Variants in TMEM63A observed in about 807,000 individuals in gnomAD.
TMEM63A encodes mechanosensitive cation channel TMEM63A.
A neutral mutation model predicts 100.6 loss-of-function variants in TMEM63A; 76 were observed. The ratio of observed to expected loss-of-function variants is 0.76; its 90% CI spans 0.63 to 0.91. The LOEUF (loss-of-function observed/expected upper bound fraction) is 0.91. Among genes scored for constraint, TMEM63A ranks in the 40% least tolerant of loss-of-function variants. The pLI, the probability that TMEM63A is intolerant of heterozygous loss-of-function variation, is 0.00. For missense variants in TMEM63A, 876 were observed against 1,008.8 expected (o/e 0.87, Z 1.78); for synonymous variants, 401 against 401.1 (o/e 1.00, Z 0.00).
intron 10 of TMEM63A, chr1:225,864,270 T>C (rs887625565): frequency 1.9e-4 from 29 of 152,222 alleles, no homozygotes; most frequent in African/African-American, 6.8e-4. Flanking sequence ...TAGGTGCTGG[T>C]AACAGGGCCT....
chr1:225,867,015 G>T lies in TMEM63A; in HGVS notation c.566+97C>A. The stretch of plus-strand genomic sequence containing the variant: ...GCAAGGGGCCTTCAGATACCAGCCG[G>T]CCCCCTTTGGAGTACCTCTGGCCTG... On this transcript the variant is annotated intron_variant, in intron 8 of 24. Transcript: ENST00000366835. This position sits in a 1 kb window ranked among gnomAD's most constrained non-coding sequence, Gnocchi z 4.6. 2 of 1,285,072 alleles carry T rather than the reference G, an allele frequency of 1.6e-6. No individual in the cohort carries two copies. Among genetic ancestry groups the T allele is most frequent in the Admixed American group, 3.4e-5 (2 of 59,336 alleles). 79.6% of individuals were successfully genotyped at this position (1,285,072 alleles called of 1,614,324 possible).
rs1019965434 is a variant in TMEM63A at position 225,871,121 on chromosome 1, C to T, written c.334-8G>A. On this transcript the variant is annotated splice_region_variant and splice_polypyrimidine_tract_variant and intron_variant, in intron 5 of 24. Transcript: ENST00000366835. The stretch of plus-strand genomic sequence containing the variant: ...CAGCCAGGGACAGCATCCCTGGAAA[C>T]GGAGAGAACAGGGATTAGCTTCCAA... 1.2e-6 allele frequency: 2 copies of T among 1,613,684 alleles called. No homozygotes were observed. Among genetic ancestry groups the T allele is most frequent in the East Asian group, 2.2e-5 (1 of 44,872 alleles).
intron 3 of TMEM63A, among the ~76,000 whole-genome samples, chr1:225,877,165 C>T (rs1670846158): frequency 6.6e-6 from 1 of 152,168 alleles, no homozygotes; most frequent in Non-Finnish European, 1.5e-5. Context: ...CTGGCCTTAT[C>T]CAAATTCCAA....
rs1461208949 is a variant in TMEM63A, at chr1:225,860,936, G to C, written c.1147C>G (p.Pro383Ala). Reference protein sequence around the residue: ...QSLQCKGEPQPSSHSRELYTS... With the variant: ...QSLQCKGEPQASSHSRELYTS... ...TAGAGCTCCCTGCTATGGGAGGACG[G>C]CTGGGGCTCACCTTTGCACTGAAGG... is the stretch of plus-strand genomic sequence containing the variant. Residue 383 changes from proline to alanine, a missense_variant, in exon 14 of 25, where the codon CCG (proline) becomes GCG (alanine). Pro to Ala is a conservative substitution (Grantham distance 27). Transcript: ENST00000366835. 1.2e-6 allele frequency: 2 copies of C among 1,613,004 alleles called. No homozygotes were observed. The highest frequency in any genetic ancestry group is 1.1e-5 in the South Asian group (1 of 90,840).
At position 225,867,868 on chromosome 1, in the gene TMEM63A, A is replaced by C. The variant is rs1197981613; in HGVS notation, c.514+20T>G. 7.4e-6 allele frequency: 12 copies of C among 1,613,890 alleles called. No individual in the cohort carries two copies. In the Admixed American group the frequency reaches 2.0e-4, roughly 27 times the overall value. Reference sequence around the variant, plus strand: ...ACTCTGCCCCATTACAACATAGACAAGGGTGAGGAGGGTCATTACCCAGCA... The same window carrying C: ...ACTCTGCCCCATTACAACATAGACACGGGTGAGGAGGGTCATTACCCAGCA... On this transcript the variant is annotated intron_variant, in intron 7 of 24. Transcript: ENST00000366835. The surrounding 1 kb of genome is among the most constrained non-coding windows in gnomAD (Gnocchi z 4.6).
chr1:225,876,776 T>C (rs1268056554), intron 3 of TMEM63A, among the ~76,000 whole-genome samples: 8 of 151,890 alleles, frequency 5.3e-5, no homozygotes, highest in Non-Finnish European at 8.8e-5. Flanking sequence ...GCCTCCAGAG[T>C]AGCCGGGATT....
chr1:225,876,500 AAC>A (rs1670810533), intron 3 of TMEM63A, among the ~76,000 whole-genome samples: 1 of 152,192 alleles, frequency 6.6e-6, no homozygotes, highest in African/African-American at 2.4e-5. Flanking sequence ...GGGGCACTTT[AAC>A]CCCAATAAAT....
intron 3 of TMEM63A, among the ~76,000 whole-genome samples, chr1:225,875,477 A>G (rs1670735666): frequency 6.6e-6 from 1 of 152,228 alleles, no homozygotes; most frequent in Non-Finnish European, 1.5e-5. Flanking sequence ...GGGGTTTTGA[A>G]GGTAGGCTTT....
At chr1:225,841,020 C>T (rs1299865704), downstream of TMEM63A, 2 of 152,162 alleles carry the variant, frequency 1.3e-5, no homozygotes, top group African/African-American at 4.8e-5. Flanking sequence ...TCCCCACATC[C>T]CCTCTCCTTC....
chr1:225,866,735 G>C, intron 8 of TMEM63A, 53 bp from the exon 9 acceptor site: 1 of 1,562,220 alleles, frequency 6.4e-7, no homozygotes, highest in Non-Finnish European at 8.8e-7. Flanking sequence ...AGGGAGCTGG[G>C]GGTGCAGAGC....
chr1:225,849,020 T>C lies in TMEM63A; in HGVS notation c.2072-8A>G, dbSNP rs1669179919. On this transcript the variant is annotated splice_polypyrimidine_tract_variant and splice_region_variant and intron_variant, in intron 21 of 24. Coordinates refer to ENST00000366835, the MANE Select transcript of TMEM63A (RefSeq NM_014698.3). ...TGGCGGGGGCCTTCATACCTGGTGA[T>C]AGAGGGTGGCTAGCCTTGGGGTGGG... is the stretch of plus-strand genomic sequence containing the variant. 2.6e-6 allele frequency: 4 copies of C among 1,557,898 alleles called. No individual in the cohort carries two copies. The East Asian group carries it at 9.3e-5, about 36-fold the overall frequency.
intron 3 of TMEM63A, 148 bp downstream of exon 3, chr1:225,877,247 A>G (rs1670851093): frequency 1.2e-6 from 1 of 845,014 alleles, no homozygotes; most frequent in African/African-American, 1.7e-5. Context: ...GCTAAGTAAC[A>G]CGCCTAAGTC....
At chr1:225,863,957 C>T (rs1408024247) in intron 10 of TMEM63A, 3 of 147,112 alleles carry the variant, frequency 2.0e-5, no homozygotes, top group Non-Finnish European at 4.5e-5. Context: ...AAAATACATA[C>T]TCACTATTGA....
intron 4 of TMEM63A, among the ~76,000 whole-genome samples, chr1:225,873,481 T>C (rs1419939214): frequency 6.6e-6 from 1 of 152,096 alleles, no homozygotes. Flanking sequence ...TCTGGGGCTC[T>C]GGGTGGCAGC....
chr1:225,848,568 C>CA lies in TMEM63A; in HGVS notation c.2188-15dup, dbSNP rs777892404. The CA allele has an allele frequency of 6.2e-7, 1 of 1,613,830 alleles. No individual in the cohort carries two copies. The highest frequency in any genetic ancestry group is 8.5e-7 in the Non-Finnish European group (1 of 1,179,992). On this transcript the variant is annotated splice_polypyrimidine_tract_variant and intron_variant, in intron 22 of 24. Transcript: ENST00000366835. ...AGGCTCTTCTGTCTGCAGATAACAGCAAAAACTTGCGATGATAAACAAAAC... is the reference window on the plus strand; with the variant it reads ...AGGCTCTTCTGTCTGCAGATAACAGCAAAAAACTTGCGATGATAAACAAAAC...
intron 23 of TMEM63A, 40 bp downstream of exon 23, chr1:225,848,452 A>C (rs747379458): frequency 6.2e-7 from 1 of 1,610,540 alleles, no homozygotes; most frequent in Non-Finnish European, 8.5e-7. Flanking sequence ...CAAAGCAAAA[A>C]AAAGGGCGAC....
At chr1:225,851,214 A>ACCCCTGGCCTTCTCCCACC (rs1553488503) in intron 20 of TMEM63A, among the ~76,000 whole-genome samples, 1 of 151,854 alleles carries the variant, frequency 6.6e-6, no homozygotes, top group Non-Finnish European at 1.5e-5. Flanking sequence ...GTGCTCCCAC[A>ACCCCTGGCCTTCTCCCACC]CCCCTGGCCT....
intron 3 of TMEM63A, among the ~76,000 whole-genome samples, chr1:225,876,726 G>A (rs113241014): frequency 2.6e-5 from 4 of 151,082 alleles, no homozygotes; most frequent in African/African-American, 9.7e-5. Flanking sequence ...TCGGCTCATT[G>A]CAACTCTGCC....
chr1:225,853,887 G>A lies in TMEM63A; in HGVS notation c.1635-96C>T. On this transcript the variant is annotated intron_variant, in intron 18 of 24. Coordinates refer to ENST00000366835, the MANE Select transcript of TMEM63A (RefSeq NM_014698.3). The surrounding 1 kb of genome is among the most constrained non-coding windows in gnomAD (Gnocchi z 4.0). ...GGGCAGGAGCAGAAAGCCCCTGGGA[G>A]GGCTGTATACTCTTCCGTTCATTCA... 8.0e-7 allele frequency: 1 copy of A among 1,252,616 alleles called. No homozygotes were observed. 77.6% of individuals were successfully genotyped at this position (1,252,616 alleles called of 1,614,324 possible).
Sources: allele counts gnomAD v4.1 joint callset (sites outside exome capture counted in the v4.1 genomes callset), GRCh38; gene constraint gnomAD v4.1.1; non-coding constraint Gnocchi (gnomAD v3.1); transcripts MANE v1.5; gene names NCBI Gene and HGNC (gene_info 2026-07-23, HGNC 2026-07-21).